The following TRIM2 variants were observed in gnomAD, a reference collection of about 807,000 sequenced individuals.
TRIM2 encodes the protein tripartite motif-containing protein 2.
In TRIM2, 20 loss-of-function variants were observed where a neutral mutation model predicts 75.2. The ratio of observed to expected loss-of-function variants is 0.27; its 90% confidence interval spans 0.19 to 0.39. TRIM2 has a LOEUF of 0.39. Ranked by LOEUF, TRIM2 falls within the 10% of genes least tolerant of loss-of-function variation. TRIM2 has a pLI of 1.00. For missense variants in TRIM2, 660 were observed against 990.8 expected (o/e 0.67, Z 4.48); for synonymous variants, 373 against 388.3 (o/e 0.96, Z 0.46).
chr4:153,292,762 G>A (rs1232494083), intron 3 of TRIM2, among the ~76,000 whole-genome samples: 3 of 152,224 alleles, frequency 2.0e-5, no homozygotes, highest in African/African-American at 7.2e-5. Context: ...CCAAAAGCTG[G>A]TTTTATGGTT....
chr4:153,306,588 G>C (rs931797709), intron 6 of TRIM2, among the ~76,000 whole-genome samples: 1 of 152,216 alleles, frequency 6.6e-6, no homozygotes, highest in African/African-American at 2.4e-5. Flanking sequence ...AGAAGGAATA[G>C]ATGGGGAATG....
At chr4:153,202,262 T>C (rs1284100053), upstream of TRIM2, among the ~76,000 whole-genome samples, 1 of 152,268 alleles carries the variant, frequency 6.6e-6, no homozygotes, top group Non-Finnish European at 1.5e-5. Flanking sequence ...TGATAACTAC[T>C]ATATCACTTT....
rs1733602379 is a variant in TRIM2, at chr4:153,194,805, A to C, written c.-49+41535A>C. Among the ~76,000 whole-genome samples the C allele has an allele frequency of 2.6e-5, 4 of 152,120 alleles. No individual in the cohort carries two copies. The South Asian group carries it at 8.3e-4, about 31-fold the overall frequency. On this transcript the variant is annotated intron_variant, in intron 1 of 11. Transcript: ENST00000437508. Reference sequence around the variant, plus strand: ...TTCTTGTCTTCTAGGTTTTCTTCTTAAGTTGGAGATGAGGGGTGGTGGTTA... The same window carrying C: ...TTCTTGTCTTCTAGGTTTTCTTCTTCAGTTGGAGATGAGGGGTGGTGGTTA...
At chr4:153,244,431 T>TCTTCTTCTTCTTCTTCTTCTTCTTCTC (rs1560875850) in intron 1 of TRIM2, among the ~76,000 whole-genome samples, 1 of 118,758 alleles carries the variant, frequency 8.4e-6, no homozygotes, top group Non-Finnish European at 1.7e-5. Flanking sequence ...TTCTTCTTCT[T>TCTTCTTCTTCTTCTTCTTCTTCTTCTC]CTTCTTTTAA....
In TRIM2 at chr4:153,271,099, T is replaced by C. The variant is rs79799666; in HGVS notation, c.215+580T>C. ...CCTTATTTATCTTCTTCATAGAGTA[T>C]TTGTTTTTGGAGAGGGGCGTTAATC... On this transcript the variant is annotated intron_variant, in intron 2 of 11. Coordinates refer to ENST00000338700, the MANE Select transcript of TRIM2 (RefSeq NM_015271.5). Among the ~76,000 whole-genome samples the C allele has an allele frequency of 6.8e-4, 104 of 152,324 alleles. No individual in the cohort carries two copies. The East Asian group carries it at 0.017, about 24-fold the overall frequency.
rs187718455 is a variant in TRIM2 at position 153,271,772 on chromosome 4, C to T, written c.215+1253C>T. On this transcript the variant is annotated intron_variant, in intron 2 of 11. Transcript: ENST00000338700. ...GAATACCAGCTAATAGTCCATGTGT[C>T]CCTGGGCACACATGGGAAGATCGTT... Among the ~76,000 whole-genome samples, 315 of 152,276 alleles carry T rather than the reference C, an allele frequency of 2.1e-3. 9 individuals carry two copies. Among genetic ancestry groups the T allele is most frequent in the Middle Eastern group, 3.4e-3 (1 of 294 alleles).
At chr4:153,302,140 T>C (rs1764043719) in intron 6 of TRIM2, among the ~76,000 whole-genome samples, 2 of 152,216 alleles carry the variant, frequency 1.3e-5, no homozygotes, top group African/African-American at 4.8e-5. Flanking sequence ...TGTCTTCGGT[T>C]TTTTTCATCA....
intron 1 of TRIM2, among the ~76,000 whole-genome samples, chr4:153,219,893 G>C (rs2149745860): frequency 1.3e-5 from 2 of 152,108 alleles, no homozygotes; most frequent in South Asian, 4.1e-4. Context: ...AATAAAATGA[G>C]TAAAATAAAA....
chr4:153,276,387 T>G, intron 3 of TRIM2: 1 of 531,252 alleles, frequency 1.9e-6, no homozygotes, highest in Non-Finnish European at 3.3e-6. Flanking sequence ...AGTAGCTATT[T>G]GCAAGCTGAC....
chr4:153,190,392 G>T (rs971392631), intron 1 of TRIM2, among the ~76,000 whole-genome samples: 2 of 152,250 alleles, frequency 1.3e-5, no homozygotes, highest in African/African-American at 4.8e-5. Context: ...CACCTACATT[G>T]TGCCTGGCAC....
chr4:153,267,312 A>G (rs1294802392), intron 1 of TRIM2, among the ~76,000 whole-genome samples: 2 of 152,174 alleles, frequency 1.3e-5, no homozygotes, highest in Non-Finnish European at 2.9e-5. Context: ...TTGGATTTGC[A>G]TTCTGGTAAA....
chr4:153,234,061 T>C (rs976630816), intron 1 of TRIM2, among the ~76,000 whole-genome samples: 5 of 152,188 alleles, frequency 3.3e-5, no homozygotes, highest in African/African-American at 1.2e-4. Context: ...TCCTGCACCA[T>C]ACAGTGAGAA....
At chr4:153,275,181 C>G (rs1306504467) in intron 2 of TRIM2, among the ~76,000 whole-genome samples, 1 of 152,216 alleles carries the variant, frequency 6.6e-6, no homozygotes, top group Non-Finnish European at 1.5e-5. Context: ...GGAATCATAA[C>G]AGTACCTATC....
intron 1 of TRIM2, among the ~76,000 whole-genome samples, chr4:153,197,122 A>G (rs1389651647): frequency 6.6e-6 from 1 of 152,216 alleles, no homozygotes; most frequent in African/African-American, 2.4e-5. Flanking sequence ...TATGAAACTG[A>G]CTTTAGGCCT....
intron 1 of TRIM2, among the ~76,000 whole-genome samples, chr4:153,232,841 G>A (rs957015086): frequency 6.6e-6 from 1 of 152,150 alleles, no homozygotes; most frequent in African/African-American, 2.4e-5. Flanking sequence ...TCTGGCCCTG[G>A]GAGAGAAGCT....
rs551031750 is a variant in TRIM2 at position 153,260,740 on chromosome 4, C to G, written c.31-9595C>G. Among the ~76,000 whole-genome samples the G allele has an allele frequency of 2.6e-4, 32 of 122,498 alleles. No homozygotes were observed. In the South Asian group the frequency reaches 8.1e-3, roughly 31 times the overall value. The allele number at this position is 122,498 out of a possible 152,430, so 80.4% of individuals were successfully genotyped here. On this transcript the variant is annotated intron_variant, in intron 1 of 11. Transcript: ENST00000338700. ...CACACACACACATCATCATCATCATCATCATGATCATCATCATCATCATCA... is the reference window on the plus strand; with the variant it reads ...CACACACACACATCATCATCATCATGATCATGATCATCATCATCATCATCA...
chr4:153,338,665 G>A lies in TRIM2; in HGVS notation c.*3699G>A, dbSNP rs1772732541. On this transcript the variant is annotated 3_prime_UTR_variant, in exon 12 of 12. Transcript: ENST00000338700. The stretch of plus-strand genomic sequence containing the variant: ...TCAATGACAGTAAGCTACAAATCAT[G>A]ATGCTTAAAAACTTTCTAAAGATGA... The A allele has an allele frequency of 1.0e-6, 1 of 985,662 alleles. No homozygotes were observed. Among genetic ancestry groups the A allele is most frequent in the African/African-American group, 1.7e-5 (1 of 57,218 alleles). The allele number at this position is 985,662 out of a possible 1,614,324, so 61.1% of individuals were successfully genotyped here. A position where few individuals can be genotyped will look rare whatever the true frequency, so the allele number is the denominator to read the frequency against.
intron 1 of TRIM2, among the ~76,000 whole-genome samples, chr4:153,227,467 AAGAC>A (rs1278236733): frequency 6.6e-6 from 1 of 152,198 alleles, no homozygotes; most frequent in African/African-American, 2.4e-5. Flanking sequence ...AGACTACACA[AAGAC>A]AGAACTGTCT....
Position 153,244,419 on chromosome 4 carries a change from TC to T in TRIM2, c.31-25915del, listed in dbSNP as rs542837438. On this transcript the variant is annotated intron_variant, in intron 1 of 11. Transcript: ENST00000338700. ...TTCTTCTTCTTCTTCTTCTTCTTCT[TC>T]TTCTTCTTCTTCTTCTTTTAATTAG... 4.4e-3 allele frequency among the ~76,000 whole-genome samples: 443 copies of T among 100,646 alleles called. 45 individuals carry two copies. The highest frequency in any genetic ancestry group is 0.021 in the Admixed American group (193 of 9,068). The allele number at this position is 100,646 out of a possible 152,430, so 66.0% of individuals were successfully genotyped here. A position where few individuals can be genotyped will look rare whatever the true frequency, so the allele number is the denominator to read the frequency against.
Sources: gnomAD v4.1 joint callset for allele counts (sites outside exome capture counted in the v4.1 genomes callset) on GRCh38, gnomAD v4.1.1 for gene constraint, MANE v1.5 for transcripts, NCBI Gene and HGNC (gene_info 2026-07-23, HGNC 2026-07-21) for gene names.